The following PDE10A variants were observed in gnomAD, a reference collection of about 807,000 sequenced individuals.
PDE10A encodes cAMP and cAMP-inhibited cGMP 3',5'-cyclic phosphodiesterase 10A.
PDE10A carries 39 observed loss-of-function variants against 97.7 expected under a neutral mutation model. That is an observed-to-expected ratio of 0.40 (90% CI 0.31 to 0.52). The LOEUF is 0.52. Among genes scored for constraint, PDE10A ranks in the 20% least tolerant of loss-of-function variants. The pLI is 0.56. For synonymous variants in PDE10A, 371 were observed against 376.8 expected, an observed-to-expected ratio of 0.98 and a Z score of 0.18; for missense variants, 731 against 1,047.8, an observed-to-expected ratio of 0.70 and a Z score of 4.17.
chr6:165,435,263 T>C lies in PDE10A; in HGVS notation c.1309A>G (p.Thr437Ala), dbSNP rs1789917251. ...CCAAGGATGTCTTCTACTAGCAGTG[T>C]TTTCCTGGACTTGGCCACATAAGCA... is the stretch of plus-strand genomic sequence containing the variant. The part of the protein sequence containing the change: ...VSAYVAKSRK[T>A]LLVEDILGDE... Residue 437 changes from threonine to alanine, a missense_variant, in exon 6 of 22, where the codon ACA becomes GCA. Thr to Ala is a moderately conservative substitution (Grantham distance 58). Around this residue, in one of 8 missense-constraint regions of PDE10A, gnomAD observed 152 missense variants for 199.3 expected, o/e 0.76. Coordinates refer to ENST00000539869, the MANE Select transcript of PDE10A (RefSeq NM_001385079.1). The C allele has an allele frequency of 3.7e-6, 6 of 1,613,832 alleles. No homozygotes were observed. Among genetic ancestry groups the C allele is most frequent in the East Asian group, 2.2e-5 (1 of 44,894 alleles).
chr6:165,395,513 C>G (rs1786095295), intron 14 of PDE10A, among the ~76,000 whole-genome samples: 1 of 151,876 alleles, frequency 6.6e-6, no homozygotes. Flanking sequence ...GAAAATGATG[C>G]TTCATTTGTT....
At chr6:165,934,226 C>G (rs1783249300) in intron 1 of PDE10A, among the ~76,000 whole-genome samples, 1 of 149,792 alleles carries the variant, frequency 6.7e-6, no homozygotes, top group Non-Finnish European at 1.5e-5. Context: ...TCTTGAGCTC[C>G]TGACCTCAAG....
At chr6:165,404,851 A>AAAAAC (rs59508942) in intron 13 of PDE10A, among the ~76,000 whole-genome samples, 44,864 of 150,922 alleles carry the variant, frequency 0.3, 7,433 homozygotes, top group Middle Eastern at 0.38. Flanking sequence ...ACCAAAATGC[A>AAAAAC]AAAACAAAAC....
chr6:165,835,131 C>T (rs563631694), intron 1 of PDE10A, among the ~76,000 whole-genome samples: 3 of 152,274 alleles, frequency 2.0e-5, no homozygotes, highest in South Asian at 2.1e-4. Flanking sequence ...GGGCCGTCCT[C>T]GGATGTGTCA....
chr6:165,612,549 C>G (rs1039565143), intron 1 of PDE10A, among the ~76,000 whole-genome samples: 2 of 151,984 alleles, frequency 1.3e-5, no homozygotes, highest in Non-Finnish European at 2.9e-5. Flanking sequence ...TTGTATTTTC[C>G]AGTAGAGACG....
In PDE10A at chr6:165,772,300, A is replaced by C. The variant is rs543104706; in HGVS notation, c.-615+215229T>G. Reference sequence around the variant, plus strand: ...TCCGTTATTAAATGCAACAGGCTAAATGCTAGATTTTTACTATATGAGAGA... The same window carrying C: ...TCCGTTATTAAATGCAACAGGCTAACTGCTAGATTTTTACTATATGAGAGA... On this transcript the variant is annotated intron_variant, in intron 1 of 19. Coordinates refer to the PDE10A transcript ENST00000366882. Among the ~76,000 whole-genome samples, 3 of 152,308 alleles carry C rather than the reference A, an allele frequency of 2.0e-5. No individual in the cohort carries two copies. The East Asian group carries it at 5.8e-4, about 29-fold the overall frequency.
At chr6:165,690,565 G>A (rs1040882932) in intron 1 of PDE10A, among the ~76,000 whole-genome samples, 1 of 152,120 alleles carries the variant, frequency 6.6e-6, no homozygotes, top group Non-Finnish European at 1.5e-5. Context: ...GCTCTTGGAG[G>A]CAGGTCCAAA....
intron 1 of PDE10A, among the ~76,000 whole-genome samples, chr6:165,736,867 G>T (rs1055591417): frequency 6.6e-5 from 10 of 152,028 alleles, no homozygotes; most frequent in African/African-American, 2.4e-4. Flanking sequence ...ATGGATCTAA[G>T]AGTTAGCTTT....
Position 165,705,446 on chromosome 6 carries a change from T to C in PDE10A, c.-614-161878A>G, listed in dbSNP as rs114575758. ...TTTTCTAAGATACAGCCTTTAAAGCTAACGTTAGTGGTTTAGACTTCAGTA... is the reference window on the plus strand; with the variant it reads ...TTTTCTAAGATACAGCCTTTAAAGCCAACGTTAGTGGTTTAGACTTCAGTA... On this transcript the variant is annotated intron_variant, in intron 1 of 19. Transcript: ENST00000366882. Among the ~76,000 whole-genome samples the C allele has an allele frequency of 6.3e-3, 965 of 152,328 alleles. 10 individuals carry two copies. Among genetic ancestry groups the C allele is most frequent in the African/African-American group, 0.022 (921 of 41,584 alleles).
intron 5 of PDE10A, among the ~76,000 whole-genome samples, chr6:165,443,937 A>T (rs1216340199): frequency 6.6e-6 from 1 of 152,180 alleles, no homozygotes; most frequent in Non-Finnish European, 1.5e-5. Context: ...GGTGATTAAT[A>T]TTCGGCTCCT....
At chr6:165,974,991 G>A (rs774504837) in intron 1 of PDE10A, among the ~76,000 whole-genome samples, 17 of 152,152 alleles carry the variant, frequency 1.1e-4, no homozygotes, top group Non-Finnish European at 2.4e-4. Context: ...TCCTGGCTGC[G>A]CAGGGATTGT....
At chr6:165,676,668 G>A (rs1332550392) in intron 1 of PDE10A, among the ~76,000 whole-genome samples, 5 of 152,184 alleles carry the variant, frequency 3.3e-5, no homozygotes, top group East Asian at 1.9e-4. Context: ...GCCAGCTCAC[G>A]GGCTGTTTAG....
rs1342010997 is a variant in PDE10A, at chr6:165,366,097, A to T, written c.2783+13097T>A. On this transcript the variant is annotated intron_variant, in intron 18 of 21. Coordinates refer to ENST00000539869, the MANE Select transcript of PDE10A (RefSeq NM_001385079.1). ...GAAATTAGAGAAAAACCTTCTATCC[A>T]TGGAACATGGATACAGATAAACCTT... Among the ~76,000 whole-genome samples, 8 of 152,180 alleles carry T rather than the reference A, an allele frequency of 5.3e-5. No individual in the cohort carries two copies. The East Asian group carries it at 1.3e-3, about 26-fold the overall frequency.
chr6:165,932,633 G>A (rs1783173300), intron 1 of PDE10A, among the ~76,000 whole-genome samples: 1 of 152,034 alleles, frequency 6.6e-6, no homozygotes, highest in Admixed American at 6.5e-5. Context: ...ACCGCACCCA[G>A]CCTAATTTTT....
At chr6:165,683,742 G>C (rs1791040615) in intron 1 of PDE10A, among the ~76,000 whole-genome samples, 1 of 152,178 alleles carries the variant, frequency 6.6e-6, no homozygotes, top group Admixed American at 6.5e-5. Context: ...GGAGAGTGCA[G>C]CAGTGCAGGG....
intron 1 of PDE10A, among the ~76,000 whole-genome samples, chr6:165,987,011 A>T (rs1785243837): frequency 6.6e-6 from 1 of 151,818 alleles, no homozygotes; most frequent in South Asian, 2.1e-4. Context: ...AGAGGCGAGG[A>T]TCAAAAGAGC....
chr6:165,806,474 G>A (rs940190482), intron 1 of PDE10A, among the ~76,000 whole-genome samples: 39 of 152,286 alleles, frequency 2.6e-4, no homozygotes, highest in Admixed American at 7.8e-4. Context: ...ACTATTTCAC[G>A]CTGTGCTGCG....
At chr6:165,783,865 C>T (rs141657050) in intron 1 of PDE10A, among the ~76,000 whole-genome samples, 227 of 152,194 alleles carry the variant, frequency 1.5e-3, no homozygotes, top group Non-Finnish European at 2.6e-3. Flanking sequence ...CCAGGAGTAA[C>T]CTAGGTTTGA....
At chr6:165,710,903 G>T (rs1161137918) in intron 1 of PDE10A, among the ~76,000 whole-genome samples, 1 of 152,232 alleles carries the variant, frequency 6.6e-6, no homozygotes, top group African/African-American at 2.4e-5. Context: ...CCTAATCATA[G>T]GCAATTTTCT....
Sources: gnomAD v4.1 joint callset for allele counts (sites outside exome capture counted in the v4.1 genomes callset) on GRCh38, gnomAD v4.1.1 for gene constraint, gnomAD v4.1.1 regional missense constraint, MANE v1.5 for transcripts, NCBI Gene and HGNC (gene_info 2026-07-23, HGNC 2026-07-21) for gene names.